PCMTD1: variants seen among roughly 807,000 people sequenced by gnomAD.
The protein encoded by PCMTD1 is protein-L-isoaspartate (D-aspartate) O-methyltransferase domain containing 1, also known as protein-L-isoaspartate O-methyltransferase domain-containing protein 1.
PCMTD1 carries 12 observed loss-of-function variants against 37.6 expected under a neutral mutation model. The observed-to-expected ratio is 0.32, with a 90% CI of 0.20 to 0.52. PCMTD1 has a LOEUF of 0.52. Ranked by LOEUF, PCMTD1 falls within the 20% of genes least tolerant of loss-of-function variation. PCMTD1 has a pLI of 0.97. For missense variants in PCMTD1, 235 were observed against 421.3 expected (o/e 0.56, Z 3.87); for synonymous variants, 117 against 135.8 (o/e 0.86, Z 0.96).
chr8:51,856,784 T>C (rs1281493615), intron 2 of PCMTD1, among the ~76,000 whole-genome samples: 1 of 152,214 alleles, frequency 6.6e-6, no homozygotes, highest in African/African-American at 2.4e-5. Flanking sequence ...ATTTCATTTA[T>C]ATGAAATGTC....
At chr8:51,862,412 C>T (rs1165553357) in intron 1 of PCMTD1, among the ~76,000 whole-genome samples, 1 of 152,032 alleles carries the variant, frequency 6.6e-6, no homozygotes, top group Non-Finnish European at 1.5e-5. Context: ...ACAGATTAAA[C>T]TCAGCATCAG....
At chr8:51,849,996 A>G (rs1465396099) in intron 2 of PCMTD1, 1 of 694,450 alleles carries the variant, frequency 1.4e-6, no homozygotes, top group Non-Finnish European at 2.6e-6. Flanking sequence ...GAACATAGCC[A>G]CAGGCAAAAA....
At chr8:51,867,550 T>C (rs974667528) in intron 1 of PCMTD1, among the ~76,000 whole-genome samples, 2 of 150,724 alleles carry the variant, frequency 1.3e-5, no homozygotes, top group Admixed American at 1.3e-4. Flanking sequence ...AAGAAAAAGA[T>C]AAATATAGAC....
At chr8:51,871,912 A>G (rs892797064) in intron 1 of PCMTD1, among the ~76,000 whole-genome samples, 14 of 152,174 alleles carry the variant, frequency 9.2e-5, no homozygotes, top group African/African-American at 3.4e-4. Flanking sequence ...GCTCTCTTGG[A>G]AACATCCACA....
chr8:51,823,045 C>T (rs1332989605), intron 5 of PCMTD1, among the ~76,000 whole-genome samples: 2 of 152,198 alleles, frequency 1.3e-5, no homozygotes, highest in African/African-American at 4.8e-5. Context: ...AATCCTAAAT[C>T]ATCAGAGGAA....
intron 3 of PCMTD1, among the ~76,000 whole-genome samples, chr8:51,838,781 A>C (rs1282869636): frequency 6.6e-6 from 1 of 152,214 alleles, no homozygotes; most frequent in Non-Finnish European, 1.5e-5. Context: ...TCTAAGACTG[A>C]ACAATAAATT....
At chr8:51,868,085 C>T (rs1230461339) in intron 1 of PCMTD1, among the ~76,000 whole-genome samples, 1 of 151,998 alleles carries the variant, frequency 6.6e-6, no homozygotes, top group Admixed American at 6.6e-5. Context: ...TCACATCGCA[C>T]CCCATAAATA....
intron 1 of PCMTD1, among the ~76,000 whole-genome samples, chr8:51,889,166 A>T (rs1315892083): frequency 2.0e-5 from 3 of 152,182 alleles, no homozygotes; most frequent in Non-Finnish European, 2.9e-5. Flanking sequence ...TATCAGTCCA[A>T]GTTTGGCCTC....
intron 5 of PCMTD1, among the ~76,000 whole-genome samples, chr8:51,822,027 G>A (rs1274807406): frequency 6.6e-6 from 1 of 152,196 alleles, no homozygotes; most frequent in Non-Finnish European, 1.5e-5. Context: ...GAGCCACCGT[G>A]CCTGGCCCTG....
At chr8:51,887,853 T>C (rs1029320661) in intron 1 of PCMTD1, among the ~76,000 whole-genome samples, 2 of 151,474 alleles carry the variant, frequency 1.3e-5, no homozygotes, top group Admixed American at 6.6e-5. Flanking sequence ...GCGATTCTCC[T>C]GCCTCAGCCT....
At chr8:51,883,552 G>A (rs1021197381) in intron 1 of PCMTD1, among the ~76,000 whole-genome samples, 17 of 152,148 alleles carry the variant, frequency 1.1e-4, no homozygotes, top group Non-Finnish European at 2.1e-4. Context: ...AGAGTAAACA[G>A]TTTTATAAAT....
At chr8:51,879,564 C>G (rs576329405) in intron 1 of PCMTD1, among the ~76,000 whole-genome samples, 3 of 152,310 alleles carry the variant, frequency 2.0e-5, no homozygotes, top group African/African-American at 7.2e-5. Context: ...AAACTGAGTA[C>G]TTACAATTTA....
At chr8:51,880,109 G>A (rs1286266493) in intron 1 of PCMTD1, among the ~76,000 whole-genome samples, 1 of 151,968 alleles carries the variant, frequency 6.6e-6, no homozygotes, top group African/African-American at 2.4e-5. Context: ...TTGAGGCAGG[G>A]GGATCCCTTG....
intron 1 of PCMTD1, among the ~76,000 whole-genome samples, chr8:51,882,704 TG>T (rs1201746147): frequency 6.6e-6 from 1 of 152,018 alleles, no homozygotes; most frequent in African/African-American, 2.4e-5. Context: ...TCTATGTACT[TG>T]ACAAATTATA....
intron 2 of PCMTD1, among the ~76,000 whole-genome samples, chr8:51,851,773 A>G (rs1346696595): frequency 6.6e-6 from 1 of 151,718 alleles, no homozygotes; most frequent in East Asian, 1.9e-4. Flanking sequence ...CTCCTGCCTC[A>G]GCCTCCCAAG....
chr8:51,877,980 A>G (rs938689662), intron 1 of PCMTD1, among the ~76,000 whole-genome samples: 1 of 152,256 alleles, frequency 6.6e-6, no homozygotes, highest in Admixed American at 6.5e-5. Flanking sequence ...TGTGTAATAA[A>G]GCAAATGCAT....
chr8:51,861,805 T>A (rs1185943082), intron 1 of PCMTD1, among the ~76,000 whole-genome samples: 4 of 151,932 alleles, frequency 2.6e-5, no homozygotes, highest in Non-Finnish European at 5.9e-5. Flanking sequence ...CATCCCCTCC[T>A]GGGCTCAAGT....
At chr8:51,868,523 A>T (rs7459831) in intron 1 of PCMTD1, among the ~76,000 whole-genome samples, 148,755 of 152,254 alleles carry the variant, frequency 0.98, 72,765 homozygotes, top group East Asian at 1. Flanking sequence ...CTGTGTTACA[A>T]GTATTATTTG....
chr8:51,885,905 T>C, intron 1 of PCMTD1, among the ~76,000 whole-genome samples: 1 of 152,226 alleles, frequency 6.6e-6, no homozygotes, highest in African/African-American at 2.4e-5. Context: ...TTTTGTAATT[T>C]GTGTTATCCA....
Sources: allele counts gnomAD v4.1 joint callset (sites outside exome capture counted in the v4.1 genomes callset), GRCh38; gene constraint gnomAD v4.1.1; transcripts MANE v1.5; gene names NCBI Gene and HGNC (gene_info 2026-07-23, HGNC 2026-07-21).